Variants in TET1 observed in about 807,000 individuals in gnomAD.
TET1 encodes methylcytosine dioxygenase TET1.
A neutral mutation model predicts 148.7 loss-of-function variants in TET1; 13 were observed. The ratio of observed to expected loss-of-function variants is 0.09; its 90% CI spans 0.06 to 0.14. TET1 has a LOEUF of 0.14. Ranked by LOEUF, TET1 falls within the 10% of genes least tolerant of loss-of-function variation. The probability of loss-of-function intolerance (pLI) is 1.00; values close to 1 mark genes in which losing one functional copy is unlikely to be tolerated. For missense variants in TET1, 2,182 were observed against 2,553.8 expected (o/e 0.85, Z 3.14); for synonymous variants, 907 against 937.2 (o/e 0.97, Z 0.59).
Position 68,688,904 on chromosome 10 carries a change from T to A in TET1, c.5405-1904T>A, listed in dbSNP as rs151023000. ...TAATGTATTCCTTAGCTTCTTTCAT[T>A]TTTACATTTATGAGAAGCTGTTTAT... On this transcript the variant is annotated intron_variant, in intron 11 of 11. Coordinates refer to ENST00000373644, the MANE Select transcript of TET1 (RefSeq NM_030625.3). Among the ~76,000 whole-genome samples the A allele has an allele frequency of 3.5e-3, 540 of 152,330 alleles. 3 individuals are homozygous for A. Among genetic ancestry groups the A allele is most frequent in the African/African-American group, 0.013 (524 of 41,558 alleles).
At chr10:68,566,819 C>T (rs1429552534) in intron 1 of TET1, among the ~76,000 whole-genome samples, 1 of 94,900 alleles carries the variant, frequency 1.1e-5, no homozygotes, top group African/African-American at 2.7e-5. Flanking sequence ...TTTTCTCTCT[C>T]TCTCTTTTTT....
intron 2 of TET1, among the ~76,000 whole-genome samples, chr10:68,594,809 ACT>A (rs1310656923): frequency 6.6e-6 from 1 of 151,686 alleles, no homozygotes; most frequent in African/African-American, 2.4e-5. Context: ...TGAAACCCTA[ACT>A]CTATTGAAAA....
At chr10:68,626,340 G>A (rs564840146) in intron 3 of TET1, among the ~76,000 whole-genome samples, 1 of 151,376 alleles carries the variant, frequency 6.6e-6, no homozygotes, top group Admixed American at 6.6e-5. Flanking sequence ...GAGCAGCTGG[G>A]ACCTAGATAC....
At chr10:68,586,693 A>G (rs980519827) in intron 2 of TET1, among the ~76,000 whole-genome samples, 4 of 149,394 alleles carry the variant, frequency 2.7e-5, no homozygotes, top group Non-Finnish European at 3.0e-5. Flanking sequence ...TATTGTTTCT[A>G]TGGTTAAGGA....
At chr10:68,674,909 A>G in intron 8 of TET1, 1 of 387,412 alleles carries the variant, frequency 2.6e-6, no homozygotes, top group Admixed American at 3.6e-5. Flanking sequence ...AGACATAGAA[A>G]AAATTCTTGC....
At position 68,573,063 on chromosome 10, in the gene TET1, T is replaced by C. The variant is rs756352357; in HGVS notation, c.725T>C (p.Met242Thr). The stretch of plus-strand genomic sequence containing the variant: ...AATGATACCAGTGGTTCCCCAAAAA[T>C]GTTTGCTCAGGACACAGTGTGTGCT... Reference protein sequence around the residue: ...TLNDTSGSPKMFAQDTVCAPF... With the variant: ...TLNDTSGSPKTFAQDTVCAPF... The change falls in exon 2 of 12, where the codon ATG becomes ACG. Residue 242 changes from methionine to threonine, a missense_variant. Physicochemically the swap from Met to Thr is moderately conservative, Grantham distance 81 (BLOSUM62 -1). Transcript: ENST00000373644. 1 of 1,614,142 alleles carries C rather than the reference T, an allele frequency of 6.2e-7. No individual in the cohort carries two copies. The highest frequency in any genetic ancestry group is 1.1e-5 in the South Asian group (1 of 91,078).
At chr10:68,614,736 G>A (rs2054264208) in intron 3 of TET1, among the ~76,000 whole-genome samples, 1 of 152,046 alleles carries the variant, frequency 6.6e-6, no homozygotes, top group African/African-American at 2.4e-5. Flanking sequence ...TGGGATTACA[G>A]GTGTATGCCA....
Position 68,686,485 on chromosome 10 carries a change from A to G in TET1, c.5182A>G (p.Lys1728Glu). Residue 1728 changes from lysine (K) to glutamate (E), a missense_variant, in exon 11 of 12, where the codon AAG becomes GAG. Lys to Glu is a moderately conservative substitution (Grantham distance 56, BLOSUM62 1). Transcript: ENST00000373644. ...TGGCTCCAAGGAAGGAATGGAAGCC[A>G]AGATCAAATCTGGGGCCATCGAGGT... The part of the protein sequence containing the change: ...EFGSKEGMEA[K>E]IKSGAIEVLA... The G allele has an allele frequency of 1.2e-6, 2 of 1,614,156 alleles. No individual in the cohort carries two copies. The highest frequency in any genetic ancestry group is 1.7e-6 in the Non-Finnish European group (2 of 1,180,032).
At position 68,560,350 on chromosome 10, in the gene TET1, T is replaced by G. The variant is rs1219619375; in HGVS notation, c.-515T>G. ...AGCCCCAGCTTCACTCCCTGAGGTC[T>G]GTCCTGGGGAGACACTGCTGCTCCG... On this transcript the variant is annotated 5_prime_UTR_variant, in exon 1 of 12. Transcript: ENST00000373644. Among the ~76,000 whole-genome samples the G allele has an allele frequency of 6.6e-6, 1 of 152,212 alleles. No individual in the cohort carries two copies. Among genetic ancestry groups the G allele is most frequent in the East Asian group, 1.9e-4 (1 of 5,190 alleles).
intron 3 of TET1, among the ~76,000 whole-genome samples, chr10:68,637,210 G>A (rs559845335): frequency 6.6e-6 from 1 of 152,128 alleles, no homozygotes; most frequent in East Asian, 1.9e-4. Flanking sequence ...TGTTGGTCAG[G>A]CTGGTCTCGA....
intron 3 of TET1, among the ~76,000 whole-genome samples, chr10:68,603,762 T>G (rs1232124352): frequency 6.6e-6 from 1 of 152,190 alleles, no homozygotes; most frequent in African/African-American, 2.4e-5. Flanking sequence ...AGGAATAGAA[T>G]GAGACCTTGT....
At position 68,691,058 on chromosome 10, in the gene TET1, G is replaced by T; in HGVS notation, c.5655G>T (p.Ser1885=). Residue 1885 remains serine (S), a synonymous_variant, in exon 12 of 12, where the codon TCG becomes TCT. Coordinates refer to ENST00000373644, the MANE Select transcript of TET1 (RefSeq NM_030625.3). The surrounding 1 kb of genome is among the most constrained non-coding windows in gnomAD (Gnocchi z 4.4). The stretch of plus-strand genomic sequence containing the variant: ...GCACTCCCCACTGTACGATGCCTTC[G>T]GGAAGACTCAGTGGTGCCAATGCAG... ...RSSTPHCTMP[S]GRLSGANAAA... 4.3e-6 allele frequency: 7 copies of T among 1,614,180 alleles called. No homozygotes were observed. The highest frequency in any genetic ancestry group is 1.1e-5 in the South Asian group (1 of 91,080).
intron 8 of TET1, among the ~76,000 whole-genome samples, chr10:68,676,840 C>G (rs2055369359): frequency 6.6e-6 from 1 of 152,144 alleles, no homozygotes; most frequent in Non-Finnish European, 1.5e-5. Flanking sequence ...TTGATGGGTT[C>G]CAAAACTGTT....
At chr10:68,690,763 C>A in intron 11 of TET1, 45 bp from the exon 12 acceptor site, 1 of 1,517,854 alleles carries the variant, frequency 6.6e-7, no homozygotes. Flanking sequence ...CAACCCCTAC[C>A]AAAAGTAATT....
chr10:68,589,555 C>T (rs1177947997), intron 2 of TET1, among the ~76,000 whole-genome samples: 9 of 151,016 alleles, frequency 6.0e-5, no homozygotes, highest in African/African-American at 9.8e-5. Context: ...CCACCTGCCT[C>T]GGCCTCCCAA....
intron 3 of TET1, among the ~76,000 whole-genome samples, chr10:68,637,947 T>A (rs2054679703): frequency 6.6e-6 from 1 of 152,108 alleles, no homozygotes; most frequent in African/African-American, 2.4e-5. Context: ...GCCTGGCTAA[T>A]TTTTGTAGTT....
At chr10:68,683,418 A>G (rs1431017736) in intron 10 of TET1, among the ~76,000 whole-genome samples, 1 of 152,158 alleles carries the variant, frequency 6.6e-6, no homozygotes, top group African/African-American at 2.4e-5. Context: ...AGCTGGGGCT[A>G]CAGGCGCCCA....
chr10:68,608,685 C>T (rs891977243), intron 3 of TET1, among the ~76,000 whole-genome samples: 1 of 152,046 alleles, frequency 6.6e-6, no homozygotes, highest in Non-Finnish European at 1.5e-5. Flanking sequence ...AAAGTGTGTG[C>T]CACCAAGCCC....
At chr10:68,643,798 G>T (rs2054796937) in intron 3 of TET1, among the ~76,000 whole-genome samples, 1 of 151,528 alleles carries the variant, frequency 6.6e-6, no homozygotes, top group South Asian at 2.1e-4. Context: ...GGGCAACACA[G>T]CAAGACCCCG....
Sources: allele counts gnomAD v4.1 joint callset (sites outside exome capture counted in the v4.1 genomes callset), GRCh38; gene constraint gnomAD v4.1.1; non-coding constraint Gnocchi (gnomAD v3.1); transcripts MANE v1.5; gene names NCBI Gene and HGNC (gene_info 2026-07-23, HGNC 2026-07-21).